The following FBXO8 variants were observed in gnomAD, a reference collection of about 807,000 sequenced individuals.
The protein encoded by FBXO8 is F-box only protein 8.
FBXO8 carries 15 observed loss-of-function variants against 33.4 expected under a neutral mutation model. The observed-to-expected ratio is 0.45, with a 90% CI of 0.30 to 0.69. The LOEUF is 0.69. Ranked by LOEUF, FBXO8 falls within the 30% of genes least tolerant of loss-of-function variation. The pLI is 0.08. For synonymous variants in FBXO8, 132 were observed against 131.5 expected, an observed-to-expected ratio of 1.00 and a Z score of -0.02; for missense variants, 274 against 380.3, an observed-to-expected ratio of 0.72 and a Z score of 2.32.
Position 174,255,347 on chromosome 4 carries a change from T to C in FBXO8, c.456+4352A>G, listed in dbSNP as rs1736391166. Among the ~76,000 whole-genome samples, 1 of 152,204 alleles carries C rather than the reference T, an allele frequency of 6.6e-6. No individual in the cohort carries two copies. Among genetic ancestry groups the C allele is most frequent in the Admixed American group, 6.5e-5 (1 of 15,272 alleles). Reference sequence around the variant, plus strand: ...TGAGATACTATTTTTAAGAACTGAATGTAAATTCCTGAAATGCTTTCTATA... The same window carrying C: ...TGAGATACTATTTTTAAGAACTGAACGTAAATTCCTGAAATGCTTTCTATA... On this transcript the variant is annotated intron_variant, in intron 3 of 5. Transcript: ENST00000393674. This position sits in a 1 kb window ranked among gnomAD's most constrained non-coding sequence, Gnocchi z 4.3.
rs1034352256 is a variant in FBXO8, at chr4:174,247,528, T to C, written c.457-6310A>G. Among the ~76,000 whole-genome samples, 1 of 152,048 alleles carries C rather than the reference T, an allele frequency of 6.6e-6. No individual in the cohort carries two copies. The highest frequency in any genetic ancestry group is 1.5e-5 in the Non-Finnish European group (1 of 67,972). On this transcript the variant is annotated intron_variant, in intron 3 of 5. Coordinates refer to ENST00000393674, the MANE Select transcript of FBXO8 (RefSeq NM_012180.3). The surrounding 1 kb of genome is among the most constrained non-coding windows in gnomAD (Gnocchi z 4.6). ...ATTTTGAAGACTTTAAAAATAGTAA[T>C]ACTTAAACAATATAGCTCAATCTAG...
intron 1 of FBXO8, among the ~76,000 whole-genome samples, chr4:174,269,628 C>T (rs567466609): frequency 2.5e-3 from 370 of 149,010 alleles, no homozygotes; most frequent in African/African-American, 8.7e-3. Flanking sequence ...GAGGTTGCAC[C>T]GAGCCGAGAA....
At position 174,252,376 on chromosome 4, in the gene FBXO8, A is replaced by G. The variant is rs953919845; in HGVS notation, c.456+7323T>C. On this transcript the variant is annotated intron_variant, in intron 3 of 5. Transcript: ENST00000393674. This position sits in a 1 kb window ranked among gnomAD's most constrained non-coding sequence, Gnocchi z 5.1. ...AATACATCAAGATGTTTTTGGTTAT[A>G]AACAACAGGAGACCTAGTTCAAAAT... Among the ~76,000 whole-genome samples the G allele has an allele frequency of 1.3e-5, 2 of 152,198 alleles. No homozygotes were observed. The highest frequency in any genetic ancestry group is 1.5e-5 in the Non-Finnish European group (1 of 68,026).
Position 174,283,621 on chromosome 4 carries a change from A to C in FBXO8, c.-220T>G, listed in dbSNP as rs1462915572. Reference sequence around the variant, plus strand: ...CAGAACTCAGGGTACCTCCAGCTGCAGGGGCCAGAACTGCCGACTATCCCA... The same window carrying C: ...CAGAACTCAGGGTACCTCCAGCTGCCGGGGCCAGAACTGCCGACTATCCCA... On this transcript the variant is annotated 5_prime_UTR_variant, in exon 1 of 6. Transcript: ENST00000393674. This position sits in a 1 kb window ranked among gnomAD's most constrained non-coding sequence, Gnocchi z 6.7. 5.8e-6 allele frequency: 2 copies of C among 346,174 alleles called. No homozygotes were observed. The highest frequency in any genetic ancestry group is 2.1e-5 in the African/African-American group (1 of 47,506). 21.4% of individuals were successfully genotyped at this position (346,174 alleles called of 1,614,324 possible). A position where few individuals can be genotyped will look rare whatever the true frequency, so the allele number is the denominator to read the frequency against.
At chr4:174,240,153 A>G (rs756690704) in intron 4 of FBXO8, among the ~76,000 whole-genome samples, 2 of 149,850 alleles carry the variant, frequency 1.3e-5, no homozygotes, top group Admixed American at 6.7e-5. Flanking sequence ...AAAAAAAAAG[A>G]AGAAAGAAAG....
At chr4:174,246,819 A>G (rs1048056135) in intron 3 of FBXO8, among the ~76,000 whole-genome samples, 5 of 151,998 alleles carry the variant, frequency 3.3e-5, no homozygotes, top group Non-Finnish European at 5.9e-5. Flanking sequence ...GAAAGTGAAA[A>G]GCAGAAAACA....
chr4:174,268,647 A>G (rs566817280), intron 1 of FBXO8, among the ~76,000 whole-genome samples: 23 of 152,310 alleles, frequency 1.5e-4, no homozygotes, highest in South Asian at 4.1e-4. Flanking sequence ...CGTGTTAGCC[A>G]GGATGGTCTC....
intron 3 of FBXO8, among the ~76,000 whole-genome samples, chr4:174,246,162 C>G (rs1048894784): frequency 6.6e-6 from 1 of 151,870 alleles, no homozygotes; most frequent in Non-Finnish European, 1.5e-5. Flanking sequence ...AGTTAAAGAA[C>G]AGGGTGTCTA....
At chr4:174,246,231 G>C (rs927234741) in intron 3 of FBXO8, among the ~76,000 whole-genome samples, 8 of 151,934 alleles carry the variant, frequency 5.3e-5, no homozygotes, top group African/African-American at 1.7e-4. Flanking sequence ...CCAAGCCATG[G>C]TTCTGCAACT....
rs1047505832 is a variant in FBXO8, at chr4:174,254,162, G to A, written c.456+5537C>T. Among the ~76,000 whole-genome samples the A allele has an allele frequency of 2.0e-5, 3 of 152,094 alleles. No individual in the cohort carries two copies. The highest frequency in any genetic ancestry group is 7.2e-5 in the African/African-American group (3 of 41,408). ...TGCTGAGTCGAGCAGCATAATGAAG[G>A]GTGCTGAGAACTCAATTCTTCCTAG... On this transcript the variant is annotated intron_variant, in intron 3 of 5. Coordinates refer to ENST00000393674, the MANE Select transcript of FBXO8 (RefSeq NM_012180.3). This position sits in a 1 kb window ranked among gnomAD's most constrained non-coding sequence, Gnocchi z 4.2.
chr4:174,250,325 G>A (rs1271542572), intron 3 of FBXO8, among the ~76,000 whole-genome samples: 1 of 151,884 alleles, frequency 6.6e-6, no homozygotes, highest in Non-Finnish European at 1.5e-5. Flanking sequence ...AACTTCCAAG[G>A]ATTATATAAT....
In FBXO8 at chr4:174,257,307, T is replaced by G. The variant is rs1031379502; in HGVS notation, c.456+2392A>C. Among the ~76,000 whole-genome samples, 1 of 152,190 alleles carries G rather than the reference T, an allele frequency of 6.6e-6. No individual in the cohort carries two copies. The highest frequency in any genetic ancestry group is 1.5e-5 in the Non-Finnish European group (1 of 68,028). On this transcript the variant is annotated intron_variant, in intron 3 of 5. Transcript: ENST00000393674. This position sits in a 1 kb window ranked among gnomAD's most constrained non-coding sequence, Gnocchi z 4.3. ...GATTGCTTTATAATTTGTTTAAAAATTGGCATTCCTTTAGCAAGGAAAGAC... is the reference window on the plus strand; with the variant it reads ...GATTGCTTTATAATTTGTTTAAAAAGTGGCATTCCTTTAGCAAGGAAAGAC...
chr4:174,277,032 AT>A lies in FBXO8; in HGVS notation c.-9+6377del, dbSNP rs150478659. ...ATTGTTCTGACATAATTTTGGATGTATTTTTTTTAAAGTAGCAGTTTTAGTC... is the reference window on the plus strand; with the variant it reads ...ATTGTTCTGACATAATTTTGGATGTATTTTTTTAAAGTAGCAGTTTTAGTC... On this transcript the variant is annotated intron_variant, in intron 1 of 5. Transcript: ENST00000393674. This position sits in a 1 kb window ranked among gnomAD's most constrained non-coding sequence, Gnocchi z 4.9. Among the ~76,000 whole-genome samples the A allele has an allele frequency of 7.7e-3, 1,170 of 152,054 alleles. 13 individuals carry two copies. The highest frequency in any genetic ancestry group is 0.026 in the African/African-American group (1,079 of 41,504).
At position 174,262,973 on chromosome 4, in the gene FBXO8, G is replaced by A. The variant is rs763570315; in HGVS notation, c.120C>T (p.Asn40=). ...SRRMAASNIS[N]TNHRKQVQGG... Reference sequence around the variant, plus strand: ...CTTGGACTTGTTTACGATGATTGGTGTTAGAAATGTTGCTCGCAGCCATTC... The same window carrying A: ...CTTGGACTTGTTTACGATGATTGGTATTAGAAATGTTGCTCGCAGCCATTC... Residue 40 remains asparagine (N), a synonymous_variant, in exon 2 of 6, where the codon AAC becomes AAT. Transcript: ENST00000393674. This position sits in a 1 kb window ranked among gnomAD's most constrained non-coding sequence, Gnocchi z 4.6. 6.2e-7 allele frequency: 1 copy of A among 1,614,050 alleles called. No individual in the cohort carries two copies. The highest frequency in any genetic ancestry group is 1.1e-5 in the South Asian group (1 of 91,086).
intron 1 of FBXO8, among the ~76,000 whole-genome samples, chr4:174,271,772 A>C (rs1736842000): frequency 2.0e-5 from 3 of 152,218 alleles, no homozygotes; most frequent in African/African-American, 7.2e-5. Context: ...CAAGCATTAA[A>C]ATGTGGCTGA....
At position 174,256,326 on chromosome 4, in the gene FBXO8, TCA is replaced by T. The variant is rs920215707; in HGVS notation, c.456+3371_456+3372del. On this transcript the variant is annotated intron_variant, in intron 3 of 5. Coordinates refer to ENST00000393674, the MANE Select transcript of FBXO8 (RefSeq NM_012180.3). This position sits in a 1 kb window ranked among gnomAD's most constrained non-coding sequence, Gnocchi z 4.6. ...CGTATCATCAAAACTAATTTACTGC[TCA>T]GAGTTAAATGAACCTAAAATAATAT... Among the ~76,000 whole-genome samples, 1 of 152,142 alleles carries T rather than the reference TCA, an allele frequency of 6.6e-6. No homozygotes were observed. The highest frequency in any genetic ancestry group is 1.5e-5 in the Non-Finnish European group (1 of 68,020).
At position 174,270,772 on chromosome 4, in the gene FBXO8, C is replaced by A. The variant is rs775586857; in HGVS notation, c.-8-7672G>T. Among the ~76,000 whole-genome samples the A allele has an allele frequency of 3.3e-5, 5 of 152,002 alleles. No individual in the cohort carries two copies. The highest frequency in any genetic ancestry group is 5.9e-5 in the Non-Finnish European group (4 of 67,988). On this transcript the variant is annotated intron_variant, in intron 1 of 5. Transcript: ENST00000393674. The surrounding 1 kb of genome is among the most constrained non-coding windows in gnomAD (Gnocchi z 4.6). ...CTGGGATTACAGGCACCTGCCACCA[C>A]GCCTGGCTAATTTTTGTATTTTTAG...
chr4:174,282,402 G>T (rs890223220), intron 1 of FBXO8, among the ~76,000 whole-genome samples: 2 of 152,100 alleles, frequency 1.3e-5, no homozygotes, highest in Admixed American at 6.5e-5. Context: ...AAATTTGGGG[G>T]TAATTTGTTA....
chr4:174,263,857 C>A lies in FBXO8; in HGVS notation c.-8-757G>T, dbSNP rs1736628209. Among the ~76,000 whole-genome samples the A allele has an allele frequency of 6.6e-6, 1 of 152,174 alleles. No individual in the cohort carries two copies. Among genetic ancestry groups the A allele is most frequent in the South Asian group, 2.1e-4 (1 of 4,830 alleles). ...AGAAAGGTGTGCTCTAGTCTCCCCA[C>A]TACCATCTGACCTCCCACCAGAGCA... On this transcript the variant is annotated intron_variant, in intron 1 of 5. Coordinates refer to ENST00000393674, the MANE Select transcript of FBXO8 (RefSeq NM_012180.3). The surrounding 1 kb of genome is among the most constrained non-coding windows in gnomAD (Gnocchi z 4.2).
Sources: allele counts gnomAD v4.1 joint callset (sites outside exome capture counted in the v4.1 genomes callset), GRCh38; gene constraint gnomAD v4.1.1; non-coding constraint Gnocchi (gnomAD v3.1); transcripts MANE v1.5; gene names NCBI Gene and HGNC (gene_info 2026-07-23, HGNC 2026-07-21).